Variants in DGKA observed in about 807,000 individuals in gnomAD.
DGKA encodes the protein 80 kDa diacylglycerol kinase.
A neutral mutation model predicts 105.0 loss-of-function variants in DGKA; 35 were observed. The ratio of observed to expected loss-of-function variants is 0.33; its 90% CI spans 0.25 to 0.44. DGKA has a LOEUF of 0.44. Among genes scored for constraint, DGKA ranks in the 20% least tolerant of loss-of-function variants. The pLI, the probability that DGKA is intolerant of heterozygous loss-of-function variation, is 1.00. For synonymous variants in DGKA, 296 were observed against 332.0 expected, an observed-to-expected ratio of 0.89 and a Z score of 1.18; for missense variants, 665 against 915.0, an observed-to-expected ratio of 0.73 and a Z score of 3.53.
intron 2 of DGKA, 58 bp downstream of exon 2, chr12:55,936,625 C>A (rs1228644167): frequency 6.2e-7 from 1 of 1,610,378 alleles, no homozygotes; most frequent in African/African-American, 1.3e-5. Flanking sequence ...AATCCCTCCT[C>A]CTCCTCATTA....
intron 17 of DGKA, among the ~76,000 whole-genome samples, chr12:55,947,277 G>T (rs532763404): frequency 1.3e-5 from 2 of 152,086 alleles, no homozygotes; most frequent in Non-Finnish European, 2.9e-5. Flanking sequence ...AAGCCACTGC[G>T]CCCAGCTGTG....
chr12:55,942,008 T>C lies in DGKA; in HGVS notation c.1261T>C (p.Phe421Leu), dbSNP rs750502049. 6.2e-7 allele frequency: 1 copy of C among 1,614,166 alleles called. No individual in the cohort carries two copies. Among genetic ancestry groups the C allele is most frequent in the Non-Finnish European group, 8.5e-7 (1 of 1,180,018 alleles). ...KDGPEIGLRL[F>L]KDVPDSRILV... Reference sequence around the variant, plus strand: ...TCCCCTTTGTCTCAGGCTCCGATTATTCAAGGATGTTCCTGATAGCCGGAT... The same window carrying C: ...TCCCCTTTGTCTCAGGCTCCGATTACTCAAGGATGTTCCTGATAGCCGGAT... The change falls in exon 16 of 24, where the codon TTC becomes CTC. Residue 421 changes from phenylalanine to leucine, a missense_variant. Physicochemically the swap from Phe to Leu is conservative, Grantham distance 22. This residue lies in a region of DGKA where 504 missense variants were observed against 681.2 expected (regional missense o/e 0.74). Transcript: ENST00000331886.
chr12:55,941,476 G>T, intron 14 of DGKA, 34 bp from the exon 15 acceptor site: 1 of 1,611,506 alleles, frequency 6.2e-7, no homozygotes, highest in Non-Finnish European at 8.5e-7. Context: ...CAACCCCCGC[G>T]CCTGCCATGA....
At position 55,952,853 on chromosome 12, in the gene DGKA, T is replaced by G. The variant is rs748866281; in HGVS notation, c.1863T>G (p.Asp621Glu). The change falls in exon 21 of 24, where the codon GAT (aspartate) becomes GAG (glutamate). Residue 621 changes from aspartate (D) to glutamate (E), a missense_variant. Coordinates refer to ENST00000331886, the MANE Select transcript of DGKA (RefSeq NM_001345.5). The surrounding 1 kb of genome is among the most constrained non-coding windows in gnomAD (Gnocchi z 5.1). The part of the protein sequence containing the change: ...LWGDTRRPHG[D>E]IYGINQALGA... ...GTGATACCAGGAGACCCCATGGGGA[T>G]ATCTATGGGATCAACCAGGCCTTAG... 3 of 1,614,138 alleles carry G rather than the reference T, an allele frequency of 1.9e-6. No homozygotes were observed. The highest frequency in any genetic ancestry group is 2.5e-6 in the Non-Finnish European group (3 of 1,180,020).
chr12:55,931,941 A>G (rs1449099763), intron 1 of DGKA: 1 of 145,232 alleles, frequency 6.9e-6, no homozygotes, highest in East Asian at 2.2e-4. Flanking sequence ...CGAAGTTCCC[A>G]GAGTCGGGGG....
At position 55,940,631 on chromosome 12, in the gene DGKA, A is replaced by G; in HGVS notation, c.926A>G (p.Asp309Gly). The G allele has an allele frequency of 6.3e-7, 1 of 1,581,266 alleles. No individual in the cohort carries two copies. The highest frequency in any genetic ancestry group is 8.6e-7 in the Non-Finnish European group (1 of 1,166,462). The change falls in exon 12 of 24, where the codon GAT becomes GGT. Residue 309 changes from aspartate (D) to glycine (G), a missense_variant. This residue lies in a region of DGKA where 504 missense variants were observed against 681.2 expected (regional missense o/e 0.74). Transcript: ENST00000331886. This position sits in a 1 kb window ranked among gnomAD's most constrained non-coding sequence, Gnocchi z 4.3. ...HCVWCHLEIH[D>G]DCLQAVGHEC... ...GCCCACCTCGTCTTTCAGATCCACG[A>G]TGACTGCCTGCAAGCGGTGGGCCAT... is the stretch of plus-strand genomic sequence containing the variant.
In DGKA at chr12:55,951,700, G is replaced by A. The variant is rs1388156128; in HGVS notation, c.1504G>A (p.Val502Met). ...AGTGGTACATATGGATCGATGGTCT[G>A]TGGAGGTGATACCTCAACAAACTGA... ...SKVVHMDRWS[V>M]EVIPQQTEEK... Residue 502 changes from valine to methionine, a missense_variant, in exon 18 of 24, where the codon GTG becomes ATG. Val to Met is a conservative substitution (Grantham distance 21). Around this residue, in one of 3 missense-constraint regions of DGKA, gnomAD observed 504 missense variants for 681.2 expected, o/e 0.74. Transcript: ENST00000331886. 6.2e-7 allele frequency: 1 copy of A among 1,614,054 alleles called. No homozygotes were observed. The highest frequency in any genetic ancestry group is 1.1e-5 in the South Asian group (1 of 91,088).
intron 1 of DGKA, chr12:55,935,901 G>A (rs189358717): frequency 1.0e-6 from 1 of 986,416 alleles, no homozygotes; most frequent in Non-Finnish European, 1.2e-6. Flanking sequence ...GCGGAGCTGG[G>A]GTCCCTGGCC....
Position 55,932,446 on chromosome 12 carries a change from G to A in DGKA, c.-82+1102G>A, listed in dbSNP as rs1249222529. ...ACCTCCACAGTGCCGCACGGGTGGA[G>A]AAGGGTTCTTGTTTGGCCTCCAGGT... On this transcript the variant is annotated intron_variant, in intron 1 of 23. Coordinates refer to ENST00000331886, the MANE Select transcript of DGKA (RefSeq NM_001345.5). The surrounding 1 kb of genome is among the most constrained non-coding windows in gnomAD (Gnocchi z 4.3). 1.5e-6 allele frequency: 1 copy of A among 682,912 alleles called. No homozygotes were observed. Among genetic ancestry groups the A allele is most frequent in the Non-Finnish European group, 2.7e-6 (1 of 373,584 alleles). 42.3% of individuals were successfully genotyped at this position (682,912 alleles called of 1,614,324 possible). A position where few individuals can be genotyped will look rare whatever the true frequency, so the allele number is the denominator to read the frequency against.
Position 55,941,511 on chromosome 12 carries a change from G to T in DGKA, c.1177G>T (p.Val393Leu). The T allele has an allele frequency of 8.7e-6, 14 of 1,614,142 alleles. No individual in the cohort carries two copies. The highest frequency in any genetic ancestry group is 1.2e-5 in the Non-Finnish European group (14 of 1,180,034). Residue 393 changes from valine to leucine, a missense_variant and splice_region_variant, in exon 15 of 24, where the codon GTG (valine) becomes TTG (leucine). Physicochemically the swap from Val to Leu is conservative, Grantham distance 32 (BLOSUM62 1). Transcript: ENST00000331886. ...AACTTTTCTTTTTCCCACACACAGG[G>T]TGCTCTGGAAGTTCCAGTATATATT... ...PKSGGKQGQR[V>L]LWKFQYILNP...
In DGKA at chr12:55,952,374, C is replaced by T. The variant is rs919825080; in HGVS notation, c.1686C>T (p.Ala562=). ...MKNKLWYFEF[A]TSESIFSTCK... ...ACAAGCTATGGTACTTCGAATTTGC[C>T]ACATCTGAATCCATCTTCTCAACAT... Residue 562 remains alanine (A), a synonymous_variant, in exon 20 of 24, where the codon GCC becomes GCT. Coordinates refer to ENST00000331886, the MANE Select transcript of DGKA (RefSeq NM_001345.5). The surrounding 1 kb of genome is among the most constrained non-coding windows in gnomAD (Gnocchi z 5.1). The T allele has an allele frequency of 1.2e-6, 2 of 1,614,148 alleles. No individual in the cohort carries two copies. Among genetic ancestry groups the T allele is most frequent in the Non-Finnish European group, 1.7e-6 (2 of 1,180,036 alleles).
At position 55,931,312 on chromosome 12, in the gene DGKA, A is replaced by G. The variant is rs548950774; in HGVS notation, c.-114A>G. The G allele has an allele frequency of 6.6e-6, 1 of 152,328 alleles. No individual in the cohort carries two copies. The highest frequency in any genetic ancestry group is 2.1e-4 in the South Asian group (1 of 4,824). The allele number at this position is 152,328 out of a possible 1,614,324, so 9.4% of individuals were successfully genotyped here. ...GACCTTTCACTCCCTACTTTTGGCC[A>G]GGGCCTTCTGTGCCACCTGCCAAGA... On this transcript the variant is annotated 5_prime_UTR_variant, in exon 1 of 24. Transcript: ENST00000331886.
intron 17 of DGKA, among the ~76,000 whole-genome samples, chr12:55,943,125 C>T (rs1886348977): frequency 6.6e-6 from 1 of 152,182 alleles, no homozygotes; most frequent in Non-Finnish European, 1.5e-5. Context: ...TGCAAGCTGA[C>T]AGCCCACAGT....
intron 17 of DGKA, among the ~76,000 whole-genome samples, chr12:55,948,401 GAA>G (rs747364724): frequency 6.4e-5 from 8 of 124,142 alleles, no homozygotes; most frequent in Admixed American, 8.5e-5. Flanking sequence ...ACTCCATCTC[GAA>G]AAAAAAAAAA....
At chr12:55,936,830 G>T (rs748496006) in intron 2 of DGKA, 187 bp from the exon 3 acceptor site, 4 of 804,444 alleles carry the variant, frequency 5.0e-6, no homozygotes, top group Non-Finnish European at 8.6e-6. Context: ...GCTTGCTCCA[G>T]CTCTCAGAGA....
At chr12:55,941,674 G>A in intron 15 of DGKA, 90 bp downstream of exon 15, 2 of 1,345,346 alleles carry the variant, frequency 1.5e-6, no homozygotes, top group Non-Finnish European at 2.1e-6. Flanking sequence ...GTGCAGATTG[G>A]GAGAGGAGGG....
chr12:55,937,876 A>G (rs1885076535), intron 4 of DGKA, 102 bp from the exon 5 acceptor site: 3 of 1,100,566 alleles, frequency 2.7e-6, no homozygotes, highest in Non-Finnish European at 2.7e-6. Context: ...AAAAATCAGT[A>G]AATCTTTTTT....
chr12:55,950,541 C>T (rs1373732483), intron 17 of DGKA, among the ~76,000 whole-genome samples: 3 of 150,338 alleles, frequency 2.0e-5, no homozygotes, highest in South Asian at 2.1e-4. Flanking sequence ...CTCCTGACCT[C>T]GTGATCCGCC....
intron 17 of DGKA, among the ~76,000 whole-genome samples, chr12:55,945,888 C>T (rs1343163611): frequency 2.6e-5 from 4 of 151,830 alleles, no homozygotes; most frequent in African/African-American, 9.7e-5. Context: ...CTCCCTGGCC[C>T]AAGCAATTCT....
Sources: allele counts gnomAD v4.1 joint callset (sites outside exome capture counted in the v4.1 genomes callset), GRCh38; gene constraint gnomAD v4.1.1; regional missense constraint gnomAD v4.1.1; non-coding constraint Gnocchi (gnomAD v3.1); transcripts MANE v1.5; gene names NCBI Gene and HGNC (gene_info 2026-07-23, HGNC 2026-07-21).